The following SDC2 variants were observed in gnomAD, a reference collection of about 807,000 sequenced individuals.
SDC2 encodes syndecan 2.
In SDC2, 13 loss-of-function variants were observed where a neutral mutation model predicts 22.2. The ratio of observed to expected loss-of-function variants is 0.59; its 90% CI spans 0.38 to 0.93. The LOEUF (loss-of-function observed/expected upper bound fraction) is 0.93, where lower values mean the gene tolerates loss of function less well. Among genes scored for constraint, SDC2 ranks in the 40% least tolerant of loss-of-function variants. The pLI, the probability that SDC2 is intolerant of heterozygous loss-of-function variation, is 0.00. For synonymous variants in SDC2, 94 were observed against 92.8 expected (o/e 1.01, Z -0.07); for missense variants, 235 against 246.8 (o/e 0.95, Z 0.32).
chr8:96,537,638 T>C (rs1813775355), intron 1 of SDC2, among the ~76,000 whole-genome samples: 1 of 152,244 alleles, frequency 6.6e-6, no homozygotes, highest in African/African-American at 2.4e-5. Flanking sequence ...ATTTTTCTTC[T>C]GTATGATTTT....
At chr8:96,534,712 C>T (rs1813724332) in intron 1 of SDC2, among the ~76,000 whole-genome samples, 1 of 151,958 alleles carries the variant, frequency 6.6e-6, no homozygotes, top group South Asian at 2.1e-4. Flanking sequence ...GCTGGGATTC[C>T]AGGCATGAGC....
At position 96,552,078 on chromosome 8, in the gene SDC2, C is replaced by T. The variant is rs1021430965; in HGVS notation, c.61-41402C>T. Among the ~76,000 whole-genome samples, 3 of 152,184 alleles carry T rather than the reference C, an allele frequency of 2.0e-5. No individual in the cohort carries two copies. The South Asian group carries it at 6.2e-4, about 31-fold the overall frequency. Reference sequence around the variant, plus strand: ...TAGTTCTGCAACAGAACCAGCCACACATTGGTGTGTGTTTGGCTTGCCTCT... The same window carrying T: ...TAGTTCTGCAACAGAACCAGCCACATATTGGTGTGTGTTTGGCTTGCCTCT... On this transcript the variant is annotated intron_variant, in intron 1 of 4. Coordinates refer to ENST00000302190, the MANE Select transcript of SDC2 (RefSeq NM_002998.4).
At chr8:96,527,444 C>A (rs1048946301) in intron 1 of SDC2, among the ~76,000 whole-genome samples, 1 of 151,924 alleles carries the variant, frequency 6.6e-6, no homozygotes, top group Non-Finnish European at 1.5e-5. Flanking sequence ...TCTCTCTCTG[C>A]CCCTAAAACA....
At chr8:96,599,433 T>G (rs1159212159) in intron 2 of SDC2, among the ~76,000 whole-genome samples, 1 of 152,198 alleles carries the variant, frequency 6.6e-6, no homozygotes, top group Non-Finnish European at 1.5e-5. Context: ...AAGAAAATGA[T>G]TCATTGTAGG....
In SDC2 at chr8:96,532,753, C is replaced by T. The variant is rs1026508090; in HGVS notation, c.60+38422C>T. Among the ~76,000 whole-genome samples the T allele has an allele frequency of 6.6e-5, 10 of 152,108 alleles. No homozygotes were observed. The East Asian group carries it at 1.7e-3, about 26-fold the overall frequency. On this transcript the variant is annotated intron_variant, in intron 1 of 4. Coordinates refer to ENST00000302190, the MANE Select transcript of SDC2 (RefSeq NM_002998.4). ...CTAGCCCGCACTTAATGGCTGAGTACATCCGGGCTATGCATTCACCTTCTC... is the reference window on the plus strand; with the variant it reads ...CTAGCCCGCACTTAATGGCTGAGTATATCCGGGCTATGCATTCACCTTCTC...
chr8:96,511,655 G>C (rs1813330453), intron 1 of SDC2, among the ~76,000 whole-genome samples: 1 of 152,184 alleles, frequency 6.6e-6, no homozygotes, highest in African/African-American at 2.4e-5. Context: ...CCATTTCATC[G>C]AGTGAGTGCT....
At chr8:96,560,899 A>G (rs1814198512) in intron 1 of SDC2, among the ~76,000 whole-genome samples, 1 of 152,180 alleles carries the variant, frequency 6.6e-6, no homozygotes, top group African/African-American at 2.4e-5. Flanking sequence ...TGAGGTCAGG[A>G]GTTCGAGACC....
At chr8:96,527,799 A>G (rs893392607) in intron 1 of SDC2, among the ~76,000 whole-genome samples, 1 of 152,176 alleles carries the variant, frequency 6.6e-6, no homozygotes, top group African/African-American at 2.4e-5. Flanking sequence ...GTATTAAGGG[A>G]TCTGCGCATA....
At position 96,494,304 on chromosome 8, in the gene SDC2, C is replaced by T. The variant is rs1168902436; in HGVS notation, c.33C>T (p.Gly11=). The T allele has an allele frequency of 3.2e-6, 5 of 1,546,622 alleles. No individual in the cohort carries two copies. The highest frequency in any genetic ancestry group is 1.4e-5 in the African/African-American group (1 of 73,422). Residue 11 remains glycine, a synonymous_variant, in exon 1 of 5, where the codon GGC becomes GGT. Coordinates refer to ENST00000302190, the MANE Select transcript of SDC2 (RefSeq NM_002998.4). ...GCGCGTGGATCCTGCTCACCTTGGG[C>T]TTGGTGGCCTGCGTGTCGGCGGAGT... MRRAWILLTL[G]LVACVSAESR... is the part of the protein sequence containing the mutation.
rs1032366957 is a variant in SDC2, at chr8:96,539,133, G to A, written c.60+44802G>A. On this transcript the variant is annotated intron_variant, in intron 1 of 4. Transcript: ENST00000302190. The stretch of plus-strand genomic sequence containing the variant: ...TTTTCTCGTTTTTCTTTTAAATAAG[G>A]GGACAAACCAGGGCCTGACATTATC... Among the ~76,000 whole-genome samples, 5 of 152,260 alleles carry A rather than the reference G, an allele frequency of 3.3e-5. No homozygotes were observed. In the South Asian group the frequency reaches 1.0e-3, roughly 32 times the overall value.
intron 1 of SDC2, among the ~76,000 whole-genome samples, chr8:96,542,975 G>A (rs995344431): frequency 6.6e-6 from 1 of 152,152 alleles, no homozygotes; most frequent in African/African-American, 2.4e-5. Flanking sequence ...GGGAAGGTGG[G>A]GAGAAAGAGG....
chr8:96,551,518 G>A (rs564027818), intron 1 of SDC2, among the ~76,000 whole-genome samples: 59 of 152,200 alleles, frequency 3.9e-4, no homozygotes, highest in Admixed American at 1.3e-3. Flanking sequence ...CGAAGAAACC[G>A]GAGACAGAGC....
chr8:96,571,394 C>T lies in SDC2; in HGVS notation c.61-22086C>T, dbSNP rs549442082. Among the ~76,000 whole-genome samples the T allele has an allele frequency of 2.7e-4, 41 of 152,210 alleles. 1 individual carries two copies. Among genetic ancestry groups the T allele is most frequent in the Admixed American group, 2.5e-3 (38 of 15,278 alleles). ...GTTAGGATGGAAAGGGGCAGGTCCC[C>T]GATCACCGGGGTCTTATGGGCTTGA... is the stretch of plus-strand genomic sequence containing the variant. On this transcript the variant is annotated intron_variant, in intron 1 of 4. Transcript: ENST00000302190.
chr8:96,599,077 G>T (rs186843645), intron 2 of SDC2, among the ~76,000 whole-genome samples: 2 of 151,528 alleles, frequency 1.3e-5, no homozygotes, highest in East Asian at 3.9e-4. Context: ...AAGTAGCTGG[G>T]ACTACAGGCG....
In SDC2 at chr8:96,504,276, A is replaced by G. The variant is rs1586267957; in HGVS notation, c.60+9945A>G. On this transcript the variant is annotated intron_variant, in intron 1 of 4. Transcript: ENST00000302190. ...ACAAAGTTGTTAGGCAACAGTCTCT[A>G]GTTGCATGAGTGACAGGTGTGTGAC... 2.0e-5 allele frequency among the ~76,000 whole-genome samples: 3 copies of G among 152,228 alleles called. No individual in the cohort carries two copies. In the South Asian group the frequency reaches 6.2e-4, roughly 32 times the overall value.
intron 1 of SDC2, among the ~76,000 whole-genome samples, chr8:96,515,487 A>G (rs1420837173): frequency 6.6e-6 from 1 of 152,144 alleles, no homozygotes; most frequent in East Asian, 1.9e-4. Flanking sequence ...TGCTCTTGAT[A>G]TGGGAAATAG....
At chr8:96,580,463 G>A (rs771103902) in intron 1 of SDC2, 15 of 985,178 alleles carry the variant, frequency 1.5e-5, no homozygotes, top group South Asian at 4.7e-5. Flanking sequence ...CTGAGGGGTG[G>A]ACATGTTTTC....
At position 96,494,213 on chromosome 8, in the gene SDC2, G is replaced by A; in HGVS notation, c.-59G>A. On this transcript the variant is annotated 5_prime_UTR_variant, in exon 1 of 5. Transcript: ENST00000302190. ...GCGGGCTGCGCCGAGCGCTGGGCAG[G>A]AGGCTTCGTTTTGCCCTGGTTGCAA... The A allele has an allele frequency of 6.7e-7, 1 of 1,501,166 alleles. No individual in the cohort carries two copies. The allele number at this position is 1,501,166 out of a possible 1,614,324, so 93.0% of individuals were successfully genotyped here.
At chr8:96,497,355 A>T (rs1813092267) in intron 1 of SDC2, among the ~76,000 whole-genome samples, 1 of 152,212 alleles carries the variant, frequency 6.6e-6, no homozygotes, top group African/African-American at 2.4e-5. Flanking sequence ...GGGTATTAGC[A>T]GAAGGAGGAT....
Sources: allele counts gnomAD v4.1 joint callset (sites outside exome capture counted in the v4.1 genomes callset), GRCh38; gene constraint gnomAD v4.1.1; transcripts MANE v1.5; gene names NCBI Gene and HGNC (gene_info 2026-07-23, HGNC 2026-07-21).